Variants in LRRC38 observed in about 807,000 individuals in gnomAD.
LRRC38 encodes leucine rich repeat containing 38.
Under a neutral mutation model 16.4 loss-of-function variants are expected in LRRC38, and 5 were observed. That is an observed-to-expected ratio of 0.31 (90% confidence interval 0.16 to 0.64). The LOEUF (loss-of-function observed/expected upper bound fraction) is 0.64. LRRC38 is among the 30% of genes least tolerant of loss of function. The pLI is 0.80. For missense variants in LRRC38, 341 were observed against 401.8 expected, an observed-to-expected ratio of 0.85 and a Z score of 1.29; for synonymous variants, 191 against 190.2, an observed-to-expected ratio of 1.00 and a Z score of -0.04.
chr1:13,478,252 A>C (rs1452841773), intron 1 of LRRC38, among the ~76,000 whole-genome samples: 1 of 152,266 alleles, frequency 6.6e-6, no homozygotes, highest in Non-Finnish European at 1.5e-5. Context: ...AGTAACTAAC[A>C]GTCATGTTGC....
chr1:13,511,010 C>T (rs1639267785), intron 1 of LRRC38, among the ~76,000 whole-genome samples: 1 of 152,176 alleles, frequency 6.6e-6, no homozygotes, highest in Non-Finnish European at 1.5e-5. Context: ...GTGAGGTGCC[C>T]TGGAGCTGTG....
intron 1 of LRRC38, among the ~76,000 whole-genome samples, chr1:13,496,330 A>G (rs1473880243): frequency 4.6e-5 from 7 of 150,692 alleles, no homozygotes; most frequent in Admixed American, 3.3e-4. Context: ...CACCAAACCT[A>G]GCTATTTATT....
At chr1:13,477,193 T>C (rs1360706989) in intron 1 of LRRC38, among the ~76,000 whole-genome samples, 1 of 152,234 alleles carries the variant, frequency 6.6e-6, no homozygotes, top group African/African-American at 2.4e-5. Flanking sequence ...GGGTTGGTGA[T>C]ATACAAGGCA....
chr1:13,479,188 A>T (rs551370217), intron 1 of LRRC38, among the ~76,000 whole-genome samples: 1 of 152,218 alleles, frequency 6.6e-6, no homozygotes, highest in East Asian at 1.9e-4. Flanking sequence ...TCATGTCTTC[A>T]ATGAAAAAAT....
chr1:13,483,972 C>T (rs1267805488), intron 1 of LRRC38, among the ~76,000 whole-genome samples: 1 of 151,612 alleles, frequency 6.6e-6, no homozygotes, highest in Non-Finnish European at 1.5e-5. Context: ...GGAGAGGGAG[C>T]GAGTACGCAT....
chr1:13,509,217 G>A (rs1569940512), intron 1 of LRRC38, among the ~76,000 whole-genome samples: 1 of 152,206 alleles, frequency 6.6e-6, no homozygotes, highest in East Asian at 1.9e-4. Flanking sequence ...TAGAGCGAGA[G>A]AATCAGCTCG....
At chr1:13,490,501 C>T (rs1638997297) in intron 1 of LRRC38, among the ~76,000 whole-genome samples, 1 of 152,148 alleles carries the variant, frequency 6.6e-6, no homozygotes, top group Non-Finnish European at 1.5e-5. Context: ...TGAGTTTCCA[C>T]TATCCCCACT....
chr1:13,495,307 A>G (rs1639068897), intron 1 of LRRC38, among the ~76,000 whole-genome samples: 1 of 152,152 alleles, frequency 6.6e-6, no homozygotes, highest in Non-Finnish European at 1.5e-5. Context: ...AACTAGATGT[A>G]CGTGATACAT....
chr1:13,510,098 GCT>G (rs1323067291), intron 1 of LRRC38, among the ~76,000 whole-genome samples: 2 of 152,190 alleles, frequency 1.3e-5, no homozygotes, highest in East Asian at 3.8e-4. Flanking sequence ...ACTTCGCTGG[GCT>G]CTGTCTTGCT....
At chr1:13,507,071 A>C (rs1437483351) in intron 1 of LRRC38, among the ~76,000 whole-genome samples, 1 of 152,204 alleles carries the variant, frequency 6.6e-6, no homozygotes, top group Non-Finnish European at 1.5e-5. Context: ...TGAGTTGAAC[A>C]TTTTTAGAAA....
rs1389640167 is a variant in LRRC38 at position 13,475,863 on chromosome 1, C to T, written c.868G>A (p.Glu290Lys). Residue 290 changes from glutamate (E) to lysine (K), a missense_variant, in exon 2 of 2, where the codon GAG becomes AAG. Physicochemically the swap from Glu to Lys is moderately conservative, Grantham distance 56 (BLOSUM62 1). Coordinates refer to ENST00000376085, the MANE Select transcript of LRRC38 (RefSeq NM_001010847.2). This position sits in a 1 kb window ranked among gnomAD's most constrained non-coding sequence, Gnocchi z 4.3. ...GAGGTGGCTCAGTCATCCTTGTCCT[C>T]GTCTTCATCCTCCGCATCTTTGTTG... ...APNKDAEDED[E>K]DKDD is the part of the protein sequence containing the mutation. 4 of 1,550,014 alleles carry T rather than the reference C, an allele frequency of 2.6e-6. No individual in the cohort carries two copies. Among genetic ancestry groups the T allele is most frequent in the East Asian group, 2.4e-5 (1 of 40,914 alleles).
intron 1 of LRRC38, among the ~76,000 whole-genome samples, chr1:13,508,301 T>C (rs1639235199): frequency 6.6e-6 from 1 of 152,146 alleles, no homozygotes; most frequent in South Asian, 2.1e-4. Context: ...TAACCAGAGG[T>C]TTCCACAGAC....
At chr1:13,510,128 G>A (rs1263689473) in intron 1 of LRRC38, among the ~76,000 whole-genome samples, 1 of 152,150 alleles carries the variant, frequency 6.6e-6, no homozygotes, top group Non-Finnish European at 1.5e-5. Flanking sequence ...GGGACAAGGG[G>A]GCAGGGAGGC....
At chr1:13,488,032 T>TGTG (rs1638959097) in intron 1 of LRRC38, among the ~76,000 whole-genome samples, 8 of 147,104 alleles carry the variant, frequency 5.4e-5, no homozygotes, top group East Asian at 2.0e-4. Flanking sequence ...TTGTGTGTGT[T>TGTG]TGTGTGTGTG....
In LRRC38 at chr1:13,481,448, C is replaced by G. The variant is rs546093781; in HGVS notation, c.632-5349G>C. Among the ~76,000 whole-genome samples, 238 of 150,812 alleles carry G rather than the reference C, an allele frequency of 1.6e-3. 1 individual carries two copies. Among genetic ancestry groups the G allele is most frequent in the African/African-American group, 4.3e-3 (176 of 41,012 alleles). ...GCTCTGTCGCCCAGGCTGGAGTGCA[C>G]TGGCATGATCTCGGCTCACTGCAAG... On this transcript the variant is annotated intron_variant, in intron 1 of 1. Transcript: ENST00000376085.
At chr1:13,490,156 G>GT (rs1638991470) in intron 1 of LRRC38, among the ~76,000 whole-genome samples, 1 of 151,824 alleles carries the variant, frequency 6.6e-6, no homozygotes, top group Non-Finnish European at 1.5e-5. Context: ...TGTTTTTTTT[G>GT]TTTTTTGTTT....
chr1:13,512,365 G>C (rs1046941470), intron 1 of LRRC38, among the ~76,000 whole-genome samples: 1 of 152,192 alleles, frequency 6.6e-6, no homozygotes, highest in Non-Finnish European at 1.5e-5. Flanking sequence ...TCTACATTTT[G>C]GTTCAGCTTT....
At chr1:13,501,581 G>A (rs565672119) in intron 1 of LRRC38, among the ~76,000 whole-genome samples, 1 of 83,284 alleles carries the variant, frequency 1.2e-5, no homozygotes, top group South Asian at 3.9e-4. Flanking sequence ...ACTAATTTTT[G>A]TGGAGTTTTT....
At chr1:13,512,386 G>C (rs1484706553) in intron 1 of LRRC38, among the ~76,000 whole-genome samples, 1 of 152,172 alleles carries the variant, frequency 6.6e-6, no homozygotes, top group African/African-American at 2.4e-5. Context: ...TTCACATCTG[G>C]CTGAAAAGCC....
Sources: allele counts gnomAD v4.1 joint callset (sites outside exome capture counted in the v4.1 genomes callset), GRCh38; gene constraint gnomAD v4.1.1; non-coding constraint Gnocchi (gnomAD v3.1); transcripts MANE v1.5; gene names NCBI Gene and HGNC (gene_info 2026-07-23, HGNC 2026-07-21).